HERC2: variants seen among roughly 807,000 people sequenced by gnomAD.
HERC2 encodes HECT and RLD domain containing E3 ubiquitin protein ligase 2, also known as E3 ubiquitin-protein ligase HERC2.
In HERC2, 102 loss-of-function variants were observed where a neutral mutation model predicts 537.7. The observed-to-expected ratio is 0.19, with a 90% CI of 0.16 to 0.22. The LOEUF (loss-of-function observed/expected upper bound fraction) is 0.22. Ranked by LOEUF, HERC2 falls within the 10% of genes least tolerant of loss-of-function variation. HERC2 has a pLI of 1.00. For missense variants in HERC2, 4,236 were observed against 6,198.2 expected (o/e 0.68, Z 10.63); for synonymous variants, 2,224 against 2,466.2 (o/e 0.90, Z 2.91).
At chr15:28,263,667 T>G (rs1413013301) in intron 14 of HERC2, among the ~76,000 whole-genome samples, 1 of 152,118 alleles carries the variant, frequency 6.6e-6, no homozygotes, top group Non-Finnish European at 1.5e-5. Flanking sequence ...ATTGCAAAAG[T>G]AAATATTTTT....
intron 83 of HERC2, among the ~76,000 whole-genome samples, chr15:28,125,896 C>CCG (rs1215392364): frequency 2.0e-5 from 3 of 152,200 alleles, no homozygotes; most frequent in African/African-American, 2.4e-5. Context: ...ACCGCAACCT[C>CCG]CGCCTCCCGG....
At position 28,132,094 on chromosome 15, in the gene HERC2, A is replaced by C. The variant is rs369586446; in HGVS notation, c.12570+6T>G. On this transcript the variant is annotated splice_donor_region_variant and intron_variant, in intron 81 of 92. Transcript: ENST00000261609. ...GAGCACTGGGCAGGGAAAGAATGGG[A>C]AATACCTTCATAGGCACTTTACAGC... 4.4e-6 allele frequency: 7 copies of C among 1,591,970 alleles called. No individual in the cohort carries two copies. Among genetic ancestry groups the C allele is most frequent in the South Asian group, 1.1e-5 (1 of 89,300 alleles).
At chr15:28,286,580 C>A (rs533734646) in intron 4 of HERC2, among the ~76,000 whole-genome samples, 1 of 152,112 alleles carries the variant, frequency 6.6e-6, no homozygotes, top group Non-Finnish European at 1.5e-5. Context: ...GATAAAAATT[C>A]TCAGAAAATA....
intron 44 of HERC2, among the ~76,000 whole-genome samples, chr15:28,209,627 G>A (rs1354817150): frequency 2.6e-5 from 4 of 152,146 alleles, no homozygotes; most frequent in Admixed American, 1.3e-4. Context: ...ACAGGCATGA[G>A]CCACCGCGCC....
intron 2 of HERC2, among the ~76,000 whole-genome samples, chr15:28,300,423 G>T (rs75493130): frequency 6.7e-6 from 1 of 149,402 alleles, no homozygotes; most frequent in Non-Finnish European, 1.5e-5. Flanking sequence ...AATATTTATC[G>T]GTATTGATAA....
chr15:28,198,108 G>A (rs1897525274), intron 50 of HERC2, among the ~76,000 whole-genome samples: 1 of 152,088 alleles, frequency 6.6e-6, no homozygotes, highest in Non-Finnish European at 1.5e-5. Flanking sequence ...AACTTCATTA[G>A]TCCTCGCTCA....
intron 78 of HERC2, among the ~76,000 whole-genome samples, chr15:28,140,455 A>AC (rs554417588): frequency 5.9e-5 from 9 of 152,248 alleles, no homozygotes; most frequent in Non-Finnish European, 1.2e-4. Flanking sequence ...TAGAATGGAG[A>AC]CAGTCAAGTA....
chr15:28,174,150 G>C (rs59576796), intron 65 of HERC2, among the ~76,000 whole-genome samples: 2,863 of 149,856 alleles, frequency 0.019, 29 homozygotes, highest in African/African-American at 0.031. Flanking sequence ...TGTTCACACA[G>C]AAGGACAGCG....
chr15:28,251,730 G>T (rs1364723225), intron 20 of HERC2, among the ~76,000 whole-genome samples: 1 of 152,086 alleles, frequency 6.6e-6, no homozygotes, highest in Non-Finnish European at 1.5e-5. Context: ...AAGCCAAGAG[G>T]CAGAGGTTAC....
intron 11 of HERC2, 54 bp downstream of exon 11, chr15:28,269,194 G>A: frequency 2.0e-6 from 3 of 1,473,004 alleles, no homozygotes; most frequent in Non-Finnish European, 2.8e-6. Context: ...GCATCTGTAG[G>A]ACAGACCCTG....
chr15:28,192,832 G>A (rs1896975124), intron 52 of HERC2, among the ~76,000 whole-genome samples: 1 of 152,196 alleles, frequency 6.6e-6, no homozygotes, highest in Admixed American at 6.5e-5. Flanking sequence ...GAAAGACCAG[G>A]AAGGCTGAGG....
intron 12 of HERC2, among the ~76,000 whole-genome samples, chr15:28,267,712 T>C (rs1283052826): frequency 6.6e-6 from 1 of 152,266 alleles, no homozygotes; most frequent in Non-Finnish European, 1.5e-5. Flanking sequence ...CTGTCGGCAA[T>C]GATGCCCTCA....
At chr15:28,162,766 C>G (rs1328728593) in intron 69 of HERC2, among the ~76,000 whole-genome samples, 1 of 152,138 alleles carries the variant, frequency 6.6e-6, no homozygotes, top group African/African-American at 2.4e-5. Context: ...TGGTGGGCAC[C>G]TGTAGTCCCA....
At chr15:28,169,173 T>C (rs1894452599) in intron 66 of HERC2, among the ~76,000 whole-genome samples, 1 of 152,242 alleles carries the variant, frequency 6.6e-6, no homozygotes, top group Non-Finnish European at 1.5e-5. Context: ...TAAGTCGTCT[T>C]AGACATCACT....
rs954577672 is a variant in HERC2 at position 28,113,961 on chromosome 15, A to G, written c.13914-283T>C. Among the ~76,000 whole-genome samples the G allele has an allele frequency of 1.3e-5, 2 of 152,202 alleles. No individual in the cohort carries two copies. Among genetic ancestry groups the G allele is most frequent in the Non-Finnish European group, 2.9e-5 (2 of 68,044 alleles). On this transcript the variant is annotated intron_variant, in intron 90 of 92. Coordinates refer to ENST00000261609, the MANE Select transcript of HERC2 (RefSeq NM_004667.6). The surrounding 1 kb of genome is among the most constrained non-coding windows in gnomAD (Gnocchi z 7.0). ...AGTACCCACAGGACACCCCAGGAGA[A>G]GCCAGCACCAAGAGGGGAAACACAT... is the stretch of plus-strand genomic sequence containing the variant.
rs776514437 is a variant in HERC2, at chr15:28,299,384, C to T, written c.187+18G>A. 2.8e-5 allele frequency: 30 copies of T among 1,059,320 alleles called. No homozygotes were observed. The highest frequency in any genetic ancestry group is 3.8e-5 in the Non-Finnish European group (26 of 692,972). The allele number at this position is 1,059,320 out of a possible 1,614,324, so 65.6% of individuals were successfully genotyped here. A position where few individuals can be genotyped will look rare whatever the true frequency, so the allele number is the denominator to read the frequency against. ...AATGGTCTTTACCAAATAAAAAACA[C>T]TAGTTAAAGGCCCTTACCTTTTCTA... On this transcript the variant is annotated intron_variant, in intron 3 of 92. Transcript: ENST00000261609.
intron 72 of HERC2, 116 bp from the exon 73 acceptor site, chr15:28,144,351 T>A (rs1377772276): frequency 1.8e-6 from 2 of 1,107,224 alleles, no homozygotes; most frequent in African/African-American, 3.1e-5. Flanking sequence ...AGGCAACAGC[T>A]GGTGTGCCCA....
At chr15:28,279,181 T>C (rs2075957959) in intron 5 of HERC2, among the ~76,000 whole-genome samples, 1 of 151,892 alleles carries the variant, frequency 6.6e-6, no homozygotes, top group Non-Finnish European at 1.5e-5. Flanking sequence ...TTAGTAGAGA[T>C]GGGGTTTCTC....
At chr15:28,310,014 G>C (rs2141266850) in intron 2 of HERC2, among the ~76,000 whole-genome samples, 1 of 152,316 alleles carries the variant, frequency 6.6e-6, no homozygotes, top group South Asian at 2.1e-4. Context: ...CTTCCAAAAA[G>C]TGAGCCCTAG....
Sources: allele counts gnomAD v4.1 joint callset (sites outside exome capture counted in the v4.1 genomes callset), GRCh38; gene constraint gnomAD v4.1.1; non-coding constraint Gnocchi (gnomAD v3.1); transcripts MANE v1.5; gene names NCBI Gene and HGNC (gene_info 2026-07-23, HGNC 2026-07-21).